Variants in NAALADL2 observed in about 807,000 individuals in gnomAD.
The protein encoded by NAALADL2 is inactive N-acetylated-alpha-linked acidic dipeptidase-like protein 2.
Under a neutral mutation model 87.2 loss-of-function variants are expected in NAALADL2, and 76 were observed. The observed-to-expected ratio is 0.87, with a 90% CI of 0.72 to 1.05. The LOEUF is 1.05. Among genes scored for constraint, NAALADL2 ranks in the 50% least tolerant of loss-of-function variants. The pLI, the probability that NAALADL2 is intolerant of heterozygous loss-of-function variation, is 0.00. For synonymous variants in NAALADL2, 354 were observed against 331.0 expected, an observed-to-expected ratio of 1.07 and a Z score of -0.75; for missense variants, 1,089 against 945.8, an observed-to-expected ratio of 1.15 and a Z score of -1.99.
intron 2 of NAALADL2, among the ~76,000 whole-genome samples, chr3:174,563,491 G>A (rs188197174): frequency 6.6e-6 from 1 of 150,764 alleles, no homozygotes; most frequent in African/African-American, 2.4e-5. Flanking sequence ...AGATTTATTT[G>A]GATTAATTTA....
rs3067029 is a variant in NAALADL2 at position 175,216,668 on chromosome 3, C to CTTTTTTTTTTTTTTTTTTT, written c.546-17245_546-17244insTTTTTTTTTTTTTTTTTTT. On this transcript the variant is annotated intron_variant, in intron 2 of 13. Transcript: ENST00000454872. ...AATTTTTTTTCTTTTTTTTTCTTTT[C>CTTTTTTTTTTTTTTTTTTT]TTTTTTTTTTTTTTTTTTGAGAAGG... 1.4e-3 allele frequency among the ~76,000 whole-genome samples: 124 copies of CTTTTTTTTTTTTTTTTTTT among 87,304 alleles called. 1 individual carries two copies. Among genetic ancestry groups the CTTTTTTTTTTTTTTTTTTT allele is most frequent in the South Asian group, 3.9e-3 (10 of 2,582 alleles). The allele number at this position is 87,304 out of a possible 152,430, so 57.3% of individuals were successfully genotyped here. A position where few individuals can be genotyped will look rare whatever the true frequency, so the allele number is the denominator to read the frequency against.
At chr3:175,428,923 A>T (rs887352794) in intron 5 of NAALADL2, among the ~76,000 whole-genome samples, 1 of 152,004 alleles carries the variant, frequency 6.6e-6, no homozygotes, top group South Asian at 2.1e-4. Context: ...TTCCTTACTC[A>T]GCATGTTTTA....
Position 175,469,508 on chromosome 3 carries a change from T to C in NAALADL2, c.1534-2131T>C, listed in dbSNP as rs577600738. On this transcript the variant is annotated intron_variant, in intron 8 of 13. Coordinates refer to ENST00000454872, the MANE Select transcript of NAALADL2 (RefSeq NM_207015.3). The stretch of plus-strand genomic sequence containing the variant: ...AAGAGGATTAGATGATGTTGGTCAA[T>C]AAACTTAACAATGGAATTTATAGAC... Among the ~76,000 whole-genome samples the C allele has an allele frequency of 3.9e-5, 6 of 152,190 alleles. No homozygotes were observed. The East Asian group carries it at 1.2e-3, about 29-fold the overall frequency.
intron 2 of NAALADL2, among the ~76,000 whole-genome samples, chr3:175,137,980 A>C (rs554848917): frequency 2.6e-5 from 4 of 152,290 alleles, no homozygotes; most frequent in African/African-American, 9.6e-5. Flanking sequence ...ACCATCTTCC[A>C]AAAGAATGTT....
At chr3:175,348,705 A>C (rs544726157) in intron 5 of NAALADL2, among the ~76,000 whole-genome samples, 4 of 152,214 alleles carry the variant, frequency 2.6e-5, no homozygotes, top group Admixed American at 6.6e-5. Context: ...CTTTAAGGAT[A>C]CTAGTGATTG....
chr3:175,547,642 A>AT (rs1713588096), intron 9 of NAALADL2, among the ~76,000 whole-genome samples: 1 of 152,184 alleles, frequency 6.6e-6, no homozygotes, highest in African/African-American at 2.4e-5. Flanking sequence ...ATGGGAGGAA[A>AT]TTTTTGCAAA....
chr3:174,559,120 A>G (rs1713246300), intron 2 of NAALADL2, among the ~76,000 whole-genome samples: 1 of 152,166 alleles, frequency 6.6e-6, no homozygotes, highest in Admixed American at 6.5e-5. Context: ...AGGGTGCTAA[A>G]TCAGATATCA....
At chr3:175,633,407 T>C (rs1239496666) in intron 11 of NAALADL2, among the ~76,000 whole-genome samples, 1 of 152,110 alleles carries the variant, frequency 6.6e-6, no homozygotes, top group African/African-American at 2.4e-5. Context: ...TTAATGATCA[T>C]TGGTAACTTG....
At chr3:175,100,706 T>C (rs1326723872) in intron 2 of NAALADL2, among the ~76,000 whole-genome samples, 1 of 151,796 alleles carries the variant, frequency 6.6e-6, no homozygotes, top group Non-Finnish European at 1.5e-5. Context: ...GGCATGGTGT[T>C]GGGCACCTAT....
intron 1 of NAALADL2, among the ~76,000 whole-genome samples, chr3:174,941,104 T>A (rs776007829): frequency 8.5e-5 from 13 of 152,248 alleles, no homozygotes; most frequent in Admixed American, 6.6e-4. Context: ...AGGTTGTTAA[T>A]TTGAGATCTT....
chr3:174,953,317 TCCC>T (rs1740670304), intron 1 of NAALADL2, among the ~76,000 whole-genome samples: 1 of 12,812 alleles, frequency 7.8e-5, no homozygotes, highest in African/African-American at 3.5e-4. Context: ...TCCCCTCCCC[TCCC>T]CTCCCCTCCC....
chr3:174,883,196 G>A (rs992916426), intron 1 of NAALADL2, among the ~76,000 whole-genome samples: 3 of 152,086 alleles, frequency 2.0e-5, no homozygotes, highest in South Asian at 2.1e-4. Flanking sequence ...TTAAGGGGGG[G>A]TCTGCCTTTC....
intron 10 of NAALADL2, among the ~76,000 whole-genome samples, chr3:175,619,236 A>AAAGGAAGGAAGG (rs1553933925): frequency 2.1e-5 from 3 of 142,410 alleles, no homozygotes; most frequent in South Asian, 2.3e-4. Context: ...AGAAAGAAAG[A>AAAGGAAGGAAGG]AAGGAAGGAA....
At chr3:174,959,383 A>G (rs761638229) in intron 1 of NAALADL2, among the ~76,000 whole-genome samples, 1 of 152,028 alleles carries the variant, frequency 6.6e-6, no homozygotes, top group Non-Finnish European at 1.5e-5. Flanking sequence ...GGCAAAACAG[A>G]TACTTTGTGC....
chr3:174,944,776 G>A (rs747890452), intron 1 of NAALADL2, among the ~76,000 whole-genome samples: 11 of 152,130 alleles, frequency 7.2e-5, no homozygotes, highest in Non-Finnish European at 1.3e-4. Context: ...CTCACCTGGG[G>A]GTTGCAAATA....
Position 174,782,658 on chromosome 3 carries a change from A to T in NAALADL2, c.-9+44912A>T, listed in dbSNP as rs932762670. ...AAGAAAAAAGGTTTAATTGACTCAC[A>T]GTTCTGCATGGCTGGGAAGGCCTCA... On this transcript the variant is annotated intron_variant, in intron 3 of 3. Transcript: ENST00000434257. 7.9e-5 allele frequency among the ~76,000 whole-genome samples: 12 copies of T among 152,152 alleles called. 1 individual carries two copies. The highest frequency in any genetic ancestry group is 2.4e-4 in the African/African-American group (10 of 41,460).
At chr3:174,952,490 C>T (rs1160106217) in intron 1 of NAALADL2, among the ~76,000 whole-genome samples, 1 of 152,144 alleles carries the variant, frequency 6.6e-6, no homozygotes. Context: ...GGTGTTTGGT[C>T]CTAAATATTG....
At chr3:174,603,311 T>C (rs1322918676) in intron 2 of NAALADL2, among the ~76,000 whole-genome samples, 1 of 152,090 alleles carries the variant, frequency 6.6e-6, no homozygotes, top group Admixed American at 6.5e-5. Flanking sequence ...GTTTCAGGTT[T>C]TGGATTTCTT....
At chr3:174,567,064 C>T (rs1277619937) in intron 2 of NAALADL2, among the ~76,000 whole-genome samples, 1 of 151,536 alleles carries the variant, frequency 6.6e-6, no homozygotes, top group Non-Finnish European at 1.5e-5. Flanking sequence ...CTTAGGTTCT[C>T]ATTCTAGAAT....
Sources: allele counts gnomAD v4.1 joint callset (sites outside exome capture counted in the v4.1 genomes callset), GRCh38; gene constraint gnomAD v4.1.1; transcripts MANE v1.5; gene names NCBI Gene and HGNC (gene_info 2026-07-23, HGNC 2026-07-21).